Variants in RABGAP1L observed in about 807,000 individuals in gnomAD.
The protein encoded by RABGAP1L is RAB GTPase activating protein 1 like, also known as rab GTPase-activating protein 1-like.
A neutral mutation model predicts 137.7 loss-of-function variants in RABGAP1L; 63 were observed. The observed-to-expected ratio is 0.46, with a 90% confidence interval of 0.37 to 0.56. The LOEUF is 0.56. RABGAP1L is among the 20% of genes least tolerant of loss of function. The probability of loss-of-function intolerance (pLI) is 0.00; values close to 1 mark genes in which losing one functional copy is unlikely to be tolerated. For synonymous variants in RABGAP1L, 431 were observed against 433.7 expected (o/e 0.99, Z 0.08); for missense variants, 1,095 against 1,244.0 (o/e 0.88, Z 1.80).
chr1:174,741,255 G>A lies in RABGAP1L; in HGVS notation c.2170-11058G>A, dbSNP rs566286715. On this transcript the variant is annotated intron_variant, in intron 17 of 25. Transcript: ENST00000681986. ...TTTAATCTACTTTGAGTTCATTTTT[G>A]TATATGGTGAGATAATGGTCCAGTT... Among the ~76,000 whole-genome samples the A allele has an allele frequency of 2.6e-5, 4 of 152,098 alleles. No individual in the cohort carries two copies. The East Asian group carries it at 5.8e-4, about 22-fold the overall frequency.
intron 24 of RABGAP1L, among the ~76,000 whole-genome samples, chr1:174,987,162 A>G (rs1671657799): frequency 6.6e-6 from 1 of 152,010 alleles, no homozygotes; most frequent in South Asian, 2.1e-4. Context: ...CAGACATGTC[A>G]GAGGAAGAAA....
chr1:174,262,703 G>A (rs1036933307), intron 7 of RABGAP1L, among the ~76,000 whole-genome samples: 1 of 152,184 alleles, frequency 6.6e-6, no homozygotes, highest in Non-Finnish European at 1.5e-5. Context: ...ATTTGGATAT[G>A]TAGCCTGGCT....
chr1:174,861,483 T>G (rs1206452969), intron 19 of RABGAP1L, among the ~76,000 whole-genome samples: 3 of 152,190 alleles, frequency 2.0e-5, no homozygotes, highest in Non-Finnish European at 2.9e-5. Context: ...TATCCAGAAG[T>G]TGGATTGCTG....
At chr1:174,476,979 T>C (rs962912424) in intron 13 of RABGAP1L, among the ~76,000 whole-genome samples, 11 of 152,168 alleles carry the variant, frequency 7.2e-5, no homozygotes, top group African/African-American at 2.7e-4. Context: ...ATTTGGGTTA[T>C]TTGTGACAGC....
intron 20 of RABGAP1L, among the ~76,000 whole-genome samples, chr1:174,965,168 G>T (rs1029384629): frequency 6.6e-6 from 1 of 152,180 alleles, no homozygotes; most frequent in African/African-American, 2.4e-5. Context: ...TCAGTTGTGT[G>T]AGATGGGGAG....
intron 13 of RABGAP1L, among the ~76,000 whole-genome samples, chr1:174,438,876 T>C (rs1238931474): frequency 9.9e-5 from 15 of 150,920 alleles, no homozygotes; most frequent in Admixed American, 9.9e-4. Flanking sequence ...CTTTAAATGA[T>C]TTATTGTTTT....
chr1:174,406,245 C>G (rs575192377), intron 13 of RABGAP1L, among the ~76,000 whole-genome samples: 3 of 152,076 alleles, frequency 2.0e-5, no homozygotes, highest in Non-Finnish European at 4.4e-5. Flanking sequence ...CTTCTCAACT[C>G]TCCAACACTG....
chr1:174,407,107 A>G (rs935620952), intron 13 of RABGAP1L, among the ~76,000 whole-genome samples: 1 of 151,980 alleles, frequency 6.6e-6, no homozygotes, highest in Non-Finnish European at 1.5e-5. Context: ...TTATGTTTAG[A>G]TGTGTTTACT....
At chr1:174,815,520 T>C (rs1272213286) in intron 19 of RABGAP1L, among the ~76,000 whole-genome samples, 1 of 152,202 alleles carries the variant, frequency 6.6e-6, no homozygotes, top group Non-Finnish European at 1.5e-5. Flanking sequence ...TCCCATTTAA[T>C]TACCCCCCAA....
chr1:174,808,009 C>A (rs577298182), intron 18 of RABGAP1L, among the ~76,000 whole-genome samples: 1 of 145,738 alleles, frequency 6.9e-6, no homozygotes, highest in Non-Finnish European at 1.5e-5. Context: ...GATGGAGTCT[C>A]ACTGTATTGC....
chr1:174,925,499 G>T (rs1202264717), intron 19 of RABGAP1L, among the ~76,000 whole-genome samples: 1 of 150,864 alleles, frequency 6.6e-6, no homozygotes, highest in East Asian at 1.9e-4. Context: ...GAGTGGAGGA[G>T]ACCAGACGTA....
intron 14 of RABGAP1L, among the ~76,000 whole-genome samples, chr1:174,662,582 T>C (rs1342089517): frequency 6.6e-6 from 1 of 150,902 alleles, no homozygotes; most frequent in African/African-American, 2.4e-5. Flanking sequence ...TTAGTAGAGA[T>C]GGGGTTTCAC....
At chr1:174,623,491 T>C (rs546360416) in intron 13 of RABGAP1L, among the ~76,000 whole-genome samples, 1 of 152,318 alleles carries the variant, frequency 6.6e-6, no homozygotes, top group East Asian at 1.9e-4. Context: ...AGAATAGAGA[T>C]TAAAGCCAGC....
At chr1:174,424,177 G>A (rs914873583) in intron 13 of RABGAP1L, among the ~76,000 whole-genome samples, 6 of 151,800 alleles carry the variant, frequency 4.0e-5, no homozygotes, top group Admixed American at 2.0e-4. Flanking sequence ...CTTTTTTTCC[G>A]ACCCACTACC....
intron 13 of RABGAP1L, among the ~76,000 whole-genome samples, chr1:174,623,742 G>C (rs1466642280): frequency 6.6e-6 from 1 of 152,124 alleles, no homozygotes; most frequent in Non-Finnish European, 1.5e-5. Context: ...GGTAAAACTT[G>C]TATGGCATGG....
rs1225514749 is a variant in RABGAP1L at position 174,926,684 on chromosome 1, C to T, written c.2341-30773C>T. ...TTAGATTTTTCTAATTAAATGACTACAATCGTCTGTAAAAAATGAAGATTT... is the reference window on the plus strand; with the variant it reads ...TTAGATTTTTCTAATTAAATGACTATAATCGTCTGTAAAAAATGAAGATTT... On this transcript the variant is annotated intron_variant, in intron 19 of 25. Transcript: ENST00000681986. 2.0e-5 allele frequency among the ~76,000 whole-genome samples: 3 copies of T among 151,862 alleles called. No individual in the cohort carries two copies. In the East Asian group the frequency reaches 5.8e-4, roughly 29 times the overall value.
intron 15 of RABGAP1L, among the ~76,000 whole-genome samples, 185 bp from the exon 16 acceptor site, chr1:174,699,340 C>G (rs1001803458): frequency 6.6e-6 from 1 of 152,070 alleles, no homozygotes; most frequent in African/African-American, 2.4e-5. Flanking sequence ...TTAAAATTAA[C>G]AAAAGAAGAT....
chr1:174,490,757 G>A (rs549719775), intron 13 of RABGAP1L, among the ~76,000 whole-genome samples: 1 of 151,988 alleles, frequency 6.6e-6, no homozygotes, highest in Admixed American at 6.5e-5. Context: ...ATGTTCCATT[G>A]TACTGTGCCT....
intron 13 of RABGAP1L, among the ~76,000 whole-genome samples, chr1:174,626,488 A>G (rs1190604482): frequency 6.6e-6 from 1 of 152,130 alleles, no homozygotes; most frequent in Non-Finnish European, 1.5e-5. Flanking sequence ...TTCCCTGAAG[A>G]GATTTATTTC....
Sources: allele counts gnomAD v4.1 joint callset (sites outside exome capture counted in the v4.1 genomes callset), GRCh38; gene constraint gnomAD v4.1.1; transcripts MANE v1.5; gene names NCBI Gene and HGNC (gene_info 2026-07-23, HGNC 2026-07-21).